Variants in ZNF790 observed in about 807,000 individuals in gnomAD.
ZNF790 encodes zinc finger protein 790.
In ZNF790, 8 loss-of-function variants were observed where a neutral mutation model predicts 12.1. That is an observed-to-expected ratio of 0.66 (90% CI 0.39 to 1.19). The LOEUF is 1.19. ZNF790 is among the 50% of genes most tolerant of loss of function. The probability of loss-of-function intolerance (pLI) is 0.01; values close to 1 mark genes in which losing one functional copy is unlikely to be tolerated. For missense variants in ZNF790, 707 were observed against 752.2 expected, an observed-to-expected ratio of 0.94 and a Z score of 0.70; for synonymous variants, 252 against 244.3, an observed-to-expected ratio of 1.03 and a Z score of -0.29.
intron 2 of ZNF790, among the ~76,000 whole-genome samples, chr19:36,824,804 A>C (rs149567752): frequency 7.6e-4 from 116 of 152,168 alleles, no homozygotes; most frequent in Non-Finnish European, 1.3e-3. Flanking sequence ...ACTGGGCACA[A>C]ACAGACTTGT....
chr19:36,839,318 G>A (rs921861012), upstream of ZNF790, among the ~76,000 whole-genome samples: 8 of 152,210 alleles, frequency 5.3e-5, no homozygotes, highest in African/African-American at 1.9e-4. Flanking sequence ...CATAAAATGT[G>A]TAAGTTCAGT....
intron 1 of ZNF790, among the ~76,000 whole-genome samples, chr19:36,847,216 T>A (rs2146098176): frequency 6.6e-6 from 1 of 151,946 alleles, no homozygotes; most frequent in African/African-American, 2.4e-5. Context: ...TAGCCGGGTG[T>A]GGTGGCGCAC....
intron 1 of ZNF790, among the ~76,000 whole-genome samples, chr19:36,834,037 G>A (rs1387234130): frequency 6.6e-6 from 1 of 152,078 alleles, no homozygotes; most frequent in Non-Finnish European, 1.5e-5. Flanking sequence ...GAGGTCAGGA[G>A]TTCGAGACCA....
At chr19:36,829,458 C>T (rs1033487514) in intron 1 of ZNF790, among the ~76,000 whole-genome samples, 4 of 152,208 alleles carry the variant, frequency 2.6e-5, no homozygotes, top group East Asian at 1.9e-4. Context: ...TAGCATGAAT[C>T]AGTACTTCAT....
chr19:36,840,911 T>C (rs1259057505), upstream of ZNF790, among the ~76,000 whole-genome samples: 1 of 152,102 alleles, frequency 6.6e-6, no homozygotes, highest in Non-Finnish European at 1.5e-5. Context: ...CCCCAGGAGC[T>C]TGAGGCTGCA....
intron 1 of ZNF790, among the ~76,000 whole-genome samples, chr19:36,844,022 ATT>A (rs1568344447): frequency 5.7e-4 from 79 of 137,440 alleles, no homozygotes; most frequent in Middle Eastern, 4.4e-3. Context: ...AAAAAAAAAA[ATT>A]AAAAAAAAAA....
chr19:36,824,187 C>T (rs1474768388), intron 2 of ZNF790, among the ~76,000 whole-genome samples: 2 of 151,866 alleles, frequency 1.3e-5, no homozygotes, highest in South Asian at 4.2e-4. Context: ...TTAGTAGAGA[C>T]GGGGTTTCTC....
chr19:36,817,520 T>C lies in ZNF790; in HGVS notation c.*913A>G, dbSNP rs1052675232. On this transcript the variant is annotated 3_prime_UTR_variant, in exon 5 of 5. Transcript: ENST00000356725. ...GAGATGACATATTTGTCTATAATCA[T>C]TATAGTCTTAAAAGTCCTCCTCTCA... The C allele has an allele frequency of 6.6e-6, 1 of 152,140 alleles. No individual in the cohort carries two copies. The highest frequency in any genetic ancestry group is 1.5e-5 in the Non-Finnish European group (1 of 68,022). 9.4% of individuals were successfully genotyped at this position (152,140 alleles called of 1,614,324 possible).
chr19:36,823,345 A>G lies in ZNF790; in HGVS notation c.169T>C (p.Leu57=), dbSNP rs768855464. Residue 57 remains leucine (L), a synonymous_variant, in exon 4 of 5, where the codon TTG becomes CTG. Coordinates refer to ENST00000356725, the MANE Select transcript of ZNF790 (RefSeq NM_206894.4). The part of the protein sequence containing the change: ...CIYQPEAFSL[L]EKGKEPWKIL... ...TTCCAGGGCTCTTTCCCTTTCTCCA[A>G]TAAAGAGAACGCTTCTGGCTGATAA... is the stretch of plus-strand genomic sequence containing the variant. 7.4e-5 allele frequency: 119 copies of G among 1,614,012 alleles called. 1 individual carries two copies. The South Asian group carries it at 1.2e-3, about 16-fold the overall frequency.
At chr19:36,847,116 G>A (rs1309941738) in intron 1 of ZNF790, among the ~76,000 whole-genome samples, 7 of 152,172 alleles carry the variant, frequency 4.6e-5, no homozygotes, top group Non-Finnish European at 1.0e-4. Flanking sequence ...AGCACTTTGA[G>A]AGGCCAAGGC....
At position 36,836,467 on chromosome 19, in the gene ZNF790, C is replaced by A. The variant is rs150458076; in HGVS notation, c.-74+1870G>T. Among the ~76,000 whole-genome samples the A allele has an allele frequency of 9.9e-5, 15 of 151,960 alleles. No homozygotes were observed. In the East Asian group the frequency reaches 2.9e-3, roughly 29 times the overall value. ...AAGACAAGCCTAAAAAAAAAACACA[C>A]ACACACACCGGCTGGGCGCGGTGGC... On this transcript the variant is annotated intron_variant, in intron 1 of 4. Coordinates refer to ENST00000356725, the MANE Select transcript of ZNF790 (RefSeq NM_206894.4).
intron 1 of ZNF790, among the ~76,000 whole-genome samples, chr19:36,826,909 GC>G (rs2071816886): frequency 6.7e-6 from 1 of 150,056 alleles, no homozygotes; most frequent in African/African-American, 2.4e-5. Flanking sequence ...TGTGGGAAAT[GC>G]GCGAGGGGAG....
intron 4 of ZNF790, among the ~76,000 whole-genome samples, chr19:36,822,694 C>T (rs893865701): frequency 1.3e-5 from 2 of 151,228 alleles, no homozygotes; most frequent in African/African-American, 4.9e-5. Flanking sequence ...GTGTGTGTCA[C>T]CACACTGGCT....
At chr19:36,842,010 A>G (rs1422184939), upstream of ZNF790, among the ~76,000 whole-genome samples, 2 of 152,128 alleles carry the variant, frequency 1.3e-5, no homozygotes, top group African/African-American at 4.8e-5. Flanking sequence ...CACCACTCCT[A>G]GCCTATAAAA....
At chr19:36,827,141 C>CACATATATATATAT (rs1313807327) in intron 1 of ZNF790, among the ~76,000 whole-genome samples, 6 of 84,440 alleles carry the variant, frequency 7.1e-5, no homozygotes, top group East Asian at 4.9e-4. Flanking sequence ...CACACACACA[C>CACATATATATATAT]ATATATATAT....
chr19:36,849,010 C>CT (rs1446285399), intron 1 of ZNF790, among the ~76,000 whole-genome samples: 7 of 152,182 alleles, frequency 4.6e-5, no homozygotes, highest in African/African-American at 1.7e-4. Flanking sequence ...CCAGGCTGGT[C>CT]TTGAACTCCT....
At chr19:36,846,138 T>C (rs1392766073) in intron 1 of ZNF790, among the ~76,000 whole-genome samples, 3 of 152,126 alleles carry the variant, frequency 2.0e-5, no homozygotes, top group Non-Finnish European at 4.4e-5. Flanking sequence ...GAATATGATA[T>C]ATTTCATTTA....
At position 36,819,702 on chromosome 19, in the gene ZNF790, A is replaced by T. The variant is rs2071623684; in HGVS notation, c.642T>A (p.Ile214=). 1.2e-6 allele frequency: 2 copies of T among 1,613,700 alleles called. No individual in the cohort carries two copies. The highest frequency in any genetic ancestry group is 1.7e-6 in the Non-Finnish European group (2 of 1,179,848). ...GNTFLPDSEV[I]QYQTVHTVKK... ...TAACAGTGTGAACTGTCTGATATTG[A>T]ATAACTTCTGAATCAGGAAGAAAGG... Residue 214 remains isoleucine, a synonymous_variant, in exon 5 of 5, where the codon ATT becomes ATA. Transcript: ENST00000356725.
In ZNF790 at chr19:36,837,529, C is replaced by G. The variant is rs1188582336; in HGVS notation, c.-74+808G>C. On this transcript the variant is annotated intron_variant, in intron 1 of 4. Coordinates refer to ENST00000356725, the MANE Select transcript of ZNF790 (RefSeq NM_206894.4). ...CTCACCACATCTCACTTTTGTTGACCTCTACCAAACACAGGGTATTTTCCC... is the reference window on the plus strand; with the variant it reads ...CTCACCACATCTCACTTTTGTTGACGTCTACCAAACACAGGGTATTTTCCC... 3.3e-5 allele frequency: 5 copies of G among 152,284 alleles called. 1 individual carries two copies. The South Asian group carries it at 1.0e-3, about 32-fold the overall frequency. 9.4% of individuals were successfully genotyped at this position (152,284 alleles called of 1,614,324 possible).
Sources: gnomAD v4.1 joint callset for allele counts (sites outside exome capture counted in the v4.1 genomes callset) on GRCh38, gnomAD v4.1.1 for gene constraint, MANE v1.5 for transcripts, NCBI Gene and HGNC (gene_info 2026-07-23, HGNC 2026-07-21) for gene names.